CNTN5: variants seen among roughly 807,000 people sequenced by gnomAD.
CNTN5 encodes the protein contactin-5.
A neutral mutation model predicts 129.1 loss-of-function variants in CNTN5; 77 were observed. The ratio of observed to expected loss-of-function variants is 0.60; its 90% CI spans 0.50 to 0.72. The LOEUF (loss-of-function observed/expected upper bound fraction) is 0.72. CNTN5 is among the 30% of genes least tolerant of loss of function. The probability of loss-of-function intolerance (pLI) is 0.00; values close to 1 mark genes in which losing one functional copy is unlikely to be tolerated. For synonymous variants in CNTN5, 509 were observed against 465.6 expected, an observed-to-expected ratio of 1.09 and a Z score of -1.20; for missense variants, 1,478 against 1,328.8, an observed-to-expected ratio of 1.11 and a Z score of -1.75.
chr11:99,873,140 C>T (rs796534930), intron 6 of CNTN5, among the ~76,000 whole-genome samples: 1 of 152,028 alleles, frequency 6.6e-6, no homozygotes, highest in South Asian at 2.1e-4. Context: ...AGTAGCTGTG[C>T]CACATCCCAA....
intron 1 of CNTN5, among the ~76,000 whole-genome samples, chr11:99,082,188 C>T (rs1407708988): frequency 2.3e-5 from 3 of 132,814 alleles, no homozygotes; most frequent in African/African-American, 5.6e-5. Flanking sequence ...TCTCCAAAAG[C>T]TTTTTTTTTT....
chr11:99,157,050 T>A (rs1484568682), intron 1 of CNTN5, among the ~76,000 whole-genome samples: 2 of 152,024 alleles, frequency 1.3e-5, no homozygotes, highest in African/African-American at 2.4e-5. Flanking sequence ...CATGCATGAT[T>A]TTTTAAAGAT....
At chr11:99,428,102 A>G (rs1215801084) in intron 2 of CNTN5, among the ~76,000 whole-genome samples, 2 of 152,138 alleles carry the variant, frequency 1.3e-5, no homozygotes, top group Non-Finnish European at 2.9e-5. Flanking sequence ...TTACTGTACA[A>G]AATTTGTTCT....
At chr11:99,890,747 C>T (rs1414285409) in intron 6 of CNTN5, among the ~76,000 whole-genome samples, 13 of 151,848 alleles carry the variant, frequency 8.6e-5, no homozygotes, top group South Asian at 2.1e-4. Flanking sequence ...AGAATCAGCA[C>T]GGAAAAAGGG....
chr11:99,560,359 C>G (rs1217975626), intron 3 of CNTN5, among the ~76,000 whole-genome samples: 1 of 151,456 alleles, frequency 6.6e-6, no homozygotes, highest in Non-Finnish European at 1.5e-5. Flanking sequence ...GTGAAGCTAT[C>G]TCAGCTCACT....
At chr11:99,392,000 CA>C (rs1591616604) in intron 2 of CNTN5, among the ~76,000 whole-genome samples, 1 of 151,758 alleles carries the variant, frequency 6.6e-6, no homozygotes, top group East Asian at 1.9e-4. Context: ...AAAATACTCA[CA>C]ATGCTGAAAT....
At chr11:99,382,440 G>GATT (rs1175292446) in intron 2 of CNTN5, among the ~76,000 whole-genome samples, 2 of 152,172 alleles carry the variant, frequency 1.3e-5, no homozygotes, top group African/African-American at 4.8e-5. Flanking sequence ...GTTAAATAAA[G>GATT]ATTAAGAACT....
rs116823252 is a variant in CNTN5, at chr11:99,228,605, T to C, written c.-209-96741T>C. 5.8e-3 allele frequency among the ~76,000 whole-genome samples: 877 copies of C among 152,198 alleles called. 12 individuals are homozygous for C. The highest frequency in any genetic ancestry group is 0.02 in the African/African-American group (836 of 41,562). ...AATGTTACATGTACCCCTAAATGTATAAATATCATGTGTCAATTAAAAAGT... is the reference window on the plus strand; with the variant it reads ...AATGTTACATGTACCCCTAAATGTACAAATATCATGTGTCAATTAAAAAGT... On this transcript the variant is annotated intron_variant, in intron 1 of 24. Transcript: ENST00000524871.
At chr11:99,733,708 GGC>G (rs1456249843) in intron 3 of CNTN5, among the ~76,000 whole-genome samples, 6 of 152,122 alleles carry the variant, frequency 3.9e-5, no homozygotes, top group Admixed American at 3.9e-4. Context: ...TCTGATGGAG[GGC>G]GGTGAGGGGA....
chr11:99,889,327 TGTGTGTGTGTGTG>T (rs1948992118), intron 6 of CNTN5, among the ~76,000 whole-genome samples: 22 of 76,306 alleles, frequency 2.9e-4, no homozygotes, highest in African/African-American at 1.3e-3. Context: ...TGTGTGTGTG[TGTGTGTGTGTGTG>T]TGTGTGTGTG....
At position 99,595,211 on chromosome 11, in the gene CNTN5, A is replaced by G. The variant is rs116566038; in HGVS notation, c.55+38942A>G. 3.3e-3 allele frequency among the ~76,000 whole-genome samples: 504 copies of G among 152,282 alleles called. 4 individuals carry two copies. The highest frequency in any genetic ancestry group is 0.011 in the African/African-American group (471 of 41,560). ...TTTCAAGACAGCTAGAATATTTTAA[A>G]TGTTGCCACTACAAAAAAAGGTAAA... is the stretch of plus-strand genomic sequence containing the variant. On this transcript the variant is annotated intron_variant, in intron 3 of 24. Transcript: ENST00000524871.
intron 13 of CNTN5, among the ~76,000 whole-genome samples, chr11:100,187,253 T>C (rs1186571839): frequency 6.6e-6 from 1 of 152,172 alleles, no homozygotes; most frequent in Non-Finnish European, 1.5e-5. Flanking sequence ...TGTAACTTTA[T>C]TGTAGTTGTT....
intron 2 of CNTN5, among the ~76,000 whole-genome samples, chr11:99,333,099 C>T (rs2136031531): frequency 6.6e-6 from 1 of 152,102 alleles, no homozygotes; most frequent in African/African-American, 2.4e-5. Flanking sequence ...GGCACAAGAT[C>T]AGTGTTTAGT....
intron 1 of CNTN5, among the ~76,000 whole-genome samples, chr11:99,038,577 C>T (rs1863856297): frequency 6.6e-6 from 1 of 152,012 alleles, no homozygotes; most frequent in Non-Finnish European, 1.5e-5. Context: ...TTTTACAACG[C>T]CTTCATTGCT....
chr11:99,872,914 T>C (rs372077194), intron 6 of CNTN5, among the ~76,000 whole-genome samples: 2 of 152,190 alleles, frequency 1.3e-5, no homozygotes, highest in Non-Finnish European at 2.9e-5. Flanking sequence ...TAACTCTATA[T>C]AGCTAACCAA....
At chr11:99,062,798 T>G (rs1356533584) in intron 1 of CNTN5, among the ~76,000 whole-genome samples, 1 of 152,136 alleles carries the variant, frequency 6.6e-6, no homozygotes, top group Non-Finnish European at 1.5e-5. Context: ...GAAGAATTTT[T>G]CTATTTACCC....
chr11:99,942,746 C>A lies in CNTN5; in HGVS notation c.674-14060C>A, dbSNP rs112714809. Among the ~76,000 whole-genome samples the A allele has an allele frequency of 9.2e-5, 14 of 152,134 alleles. No individual in the cohort carries two copies. The South Asian group carries it at 2.9e-3, about 32-fold the overall frequency. On this transcript the variant is annotated intron_variant, in intron 7 of 24. Transcript: ENST00000524871. ...CCTATGTCCATGTGTTCTCATTGTT[C>A]AAGTCCCACTTAGGAGTGAGAACAT...
Position 99,220,688 on chromosome 11 carries a change from C to T in CNTN5, c.-209-104658C>T, listed in dbSNP as rs950399583. On this transcript the variant is annotated intron_variant, in intron 1 of 24. Transcript: ENST00000524871. ...TTCAAAAGGAACTTATATAATTTTA[C>T]TTTTGGATTTTGAAGTGGCACAAAT... Among the ~76,000 whole-genome samples the T allele has an allele frequency of 6.6e-5, 10 of 151,888 alleles. 1 individual carries two copies. The highest frequency in any genetic ancestry group is 6.6e-4 in the Admixed American group (10 of 15,218).
chr11:99,575,366 G>C (rs1288923058), intron 3 of CNTN5, among the ~76,000 whole-genome samples: 1 of 152,148 alleles, frequency 6.6e-6, no homozygotes, highest in Non-Finnish European at 1.5e-5. Context: ...AAAAAGTGAT[G>C]ATTTTCTTTA....
Sources: gnomAD v4.1 joint callset for allele counts (sites outside exome capture counted in the v4.1 genomes callset) on GRCh38, gnomAD v4.1.1 for gene constraint, MANE v1.5 for transcripts, NCBI Gene and HGNC (gene_info 2026-07-23, HGNC 2026-07-21) for gene names.